MOCOS: variants seen among roughly 807,000 people sequenced by gnomAD.
The protein encoded by MOCOS is molybdenum cofactor sulfurase.
In MOCOS, 86 loss-of-function variants were observed where a neutral mutation model predicts 83.6. The observed-to-expected ratio is 1.03, with a 90% CI of 0.86 to 1.23. MOCOS has a LOEUF of 1.23. Ranked by LOEUF, MOCOS falls within the 50% of genes most tolerant of loss-of-function variation. The probability of loss-of-function intolerance (pLI) is 0.00; values close to 1 mark genes in which losing one functional copy is unlikely to be tolerated. For synonymous variants in MOCOS, 445 were observed against 434.7 expected (o/e 1.02, Z -0.29); for missense variants, 1,120 against 1,126.9 (o/e 0.99, Z 0.09).
chr18:36,211,251 G>C (rs1296402481), intron 6 of MOCOS, among the ~76,000 whole-genome samples: 1 of 152,270 alleles, frequency 6.6e-6, no homozygotes, highest in South Asian at 2.1e-4. Flanking sequence ...CTATGAGAAG[G>C]CTTTGTGTTC....
At chr18:36,259,602 A>G (rs11873182) in intron 12 of MOCOS, among the ~76,000 whole-genome samples, 42,875 of 151,210 alleles carry the variant, frequency 0.28, 6,303 homozygotes, top group Non-Finnish European at 0.32. Context: ...AAGAAGGGGG[A>G]AAAAAGGGAA....
At chr18:36,247,976 G>A (rs2091608510) in intron 9 of MOCOS, among the ~76,000 whole-genome samples, 1 of 152,110 alleles carries the variant, frequency 6.6e-6, no homozygotes, top group Non-Finnish European at 1.5e-5. Flanking sequence ...CCAGAAGTGG[G>A]ATTGCTGGAT....
At chr18:36,256,550 A>G (rs533982147) in intron 11 of MOCOS, among the ~76,000 whole-genome samples, 65 of 151,740 alleles carry the variant, frequency 4.3e-4, no homozygotes, top group Non-Finnish European at 8.8e-5. Context: ...CATGGGTTCA[A>G]GTGATTCTCC....
chr18:36,259,841 G>A (rs552923141), intron 12 of MOCOS, among the ~76,000 whole-genome samples, 196 bp from the exon 13 acceptor site: 110 of 152,286 alleles, frequency 7.2e-4, no homozygotes, highest in African/African-American at 2.6e-3. Flanking sequence ...TCCCAGGGGA[G>A]GCCCTGATGC....
At chr18:36,189,141 C>T (rs1237728821) in intron 1 of MOCOS, among the ~76,000 whole-genome samples, 5 of 152,136 alleles carry the variant, frequency 3.3e-5, no homozygotes, top group African/African-American at 9.7e-5. Context: ...AACCTCTCCC[C>T]TCAATGCTAC....
chr18:36,247,916 T>A (rs2091608337), intron 9 of MOCOS, among the ~76,000 whole-genome samples: 1 of 152,244 alleles, frequency 6.6e-6, no homozygotes, highest in Non-Finnish European at 1.5e-5. Flanking sequence ...TCCTGTCTCC[T>A]ATCCACTGTT....
rs908088611 is a variant in MOCOS, at chr18:36,268,893, T to C, written c.*208T>C. The C allele has an allele frequency of 1.2e-5, 7 of 586,684 alleles. No individual in the cohort carries two copies. Among genetic ancestry groups the C allele is most frequent in the African/African-American group, 1.1e-4 (6 of 53,590 alleles). 36.3% of individuals were successfully genotyped at this position (586,684 alleles called of 1,614,324 possible). On this transcript the variant is annotated 3_prime_UTR_variant, in exon 15 of 15. Transcript: ENST00000261326. ...TGCTCAGGAGAGCACTTCTGAGGCC[T>C]CAGGAACGAATGCTGCACCCACATC...
chr18:36,201,946 A>T (rs1282308230), intron 4 of MOCOS, among the ~76,000 whole-genome samples: 1 of 152,158 alleles, frequency 6.6e-6, no homozygotes, highest in Non-Finnish European at 1.5e-5. Flanking sequence ...AATTTGGCCA[A>T]TAAGGGCACC....
intron 1 of MOCOS, 108 bp from the exon 2 acceptor site, chr18:36,195,149 C>A (rs2091382104): frequency 1.1e-6 from 1 of 906,246 alleles, no homozygotes; most frequent in East Asian, 2.4e-5. Context: ...TCAAGAGGCA[C>A]AAGTCAGTGG....
intron 9 of MOCOS, among the ~76,000 whole-genome samples, chr18:36,242,170 G>T (rs189192397): frequency 6.6e-6 from 1 of 152,248 alleles, no homozygotes; most frequent in East Asian, 1.9e-4. Flanking sequence ...AAACTCTTAT[G>T]CTCTGCTACC....
At chr18:36,266,695 G>A (rs2091683024) in intron 13 of MOCOS, 54 bp from the exon 14 acceptor site, 3 of 1,486,110 alleles carry the variant, frequency 2.0e-6, no homozygotes, top group South Asian at 2.3e-5. Context: ...CCTCTGAGGT[G>A]CAAGGCTCTG....
intron 9 of MOCOS, among the ~76,000 whole-genome samples, chr18:36,244,209 C>T (rs553863526): frequency 2.1e-4 from 32 of 151,408 alleles, no homozygotes; most frequent in African/African-American, 7.0e-4. Context: ...TGAGGTGTGA[C>T]CTTAGATTAT....
chr18:36,240,841 C>T (rs538036990), intron 9 of MOCOS, among the ~76,000 whole-genome samples: 10 of 152,110 alleles, frequency 6.6e-5, no homozygotes, highest in East Asian at 1.9e-4. Flanking sequence ...CGTGGTGCGC[C>T]GTTTTTTAAG....
intron 7 of MOCOS, 67 bp from the exon 8 acceptor site, chr18:36,215,449 C>A: frequency 6.9e-7 from 1 of 1,456,916 alleles, no homozygotes; most frequent in South Asian, 1.2e-5. Context: ...TTTATTTTGC[C>A]GAACTGTTTC....
At chr18:36,209,616 C>T (rs553563316) in intron 6 of MOCOS, among the ~76,000 whole-genome samples, 7 of 152,082 alleles carry the variant, frequency 4.6e-5, no homozygotes, top group Admixed American at 2.0e-4. Flanking sequence ...TGAGTTATTT[C>T]ACTTAGAATA....
At chr18:36,208,142 C>T (rs575611758) in intron 6 of MOCOS, among the ~76,000 whole-genome samples, 23 of 152,042 alleles carry the variant, frequency 1.5e-4, no homozygotes, top group Non-Finnish European at 2.8e-4. Context: ...TAACCTTTTC[C>T]GTTGAATTTA....
At chr18:36,254,852 A>T (rs2091636154) in intron 11 of MOCOS, among the ~76,000 whole-genome samples, 3 of 152,146 alleles carry the variant, frequency 2.0e-5, no homozygotes, top group Admixed American at 2.0e-4. Flanking sequence ...GTAAGAGTTT[A>T]AGTGCTAGGA....
At chr18:36,267,731 A>G (rs2091686376) in intron 14 of MOCOS, among the ~76,000 whole-genome samples, 1 of 152,222 alleles carries the variant, frequency 6.6e-6, no homozygotes, top group Admixed American at 6.5e-5. Context: ...CAGGAGAAGA[A>G]AGAAGAAGGC....
At chr18:36,235,581 G>T (rs1319406336) in intron 9 of MOCOS, among the ~76,000 whole-genome samples, 11 of 131,858 alleles carry the variant, frequency 8.3e-5, no homozygotes, top group African/African-American at 1.2e-4. Flanking sequence ...GAATAATGCC[G>T]CAATAAACAT....
Sources: gnomAD v4.1 joint callset for allele counts (sites outside exome capture counted in the v4.1 genomes callset) on GRCh38, gnomAD v4.1.1 for gene constraint, MANE v1.5 for transcripts, NCBI Gene and HGNC (gene_info 2026-07-23, HGNC 2026-07-21) for gene names.